Variants in FIG4 observed in about 807,000 individuals in gnomAD.
FIG4 encodes the protein polyphosphoinositide phosphatase.
Under a neutral mutation model 118.6 loss-of-function variants are expected in FIG4, and 112 were observed. That is an observed-to-expected ratio of 0.94 (90% CI 0.81 to 1.11). The LOEUF is 1.11. FIG4 is among the 50% of genes least tolerant of loss of function. The pLI, the probability that FIG4 is intolerant of heterozygous loss-of-function variation, is 0.00. For missense variants in FIG4, 969 were observed against 1,111.7 expected, an observed-to-expected ratio of 0.87 and a Z score of 1.83; for synonymous variants, 369 against 381.2, an observed-to-expected ratio of 0.97 and a Z score of 0.37.
At chr6:109,757,644 A>T (rs1776960156) in intron 10 of FIG4, among the ~76,000 whole-genome samples, 1 of 152,210 alleles carries the variant, frequency 6.6e-6, no homozygotes, top group South Asian at 2.1e-4. Flanking sequence ...AATAAGGGGT[A>T]TTCAGATAGG....
chr6:109,692,943 C>CA (rs1331436114), intron 1 of FIG4, among the ~76,000 whole-genome samples: 1 of 152,186 alleles, frequency 6.6e-6, no homozygotes, highest in Non-Finnish European at 1.5e-5. Flanking sequence ...TTCAGCCTCC[C>CA]AAAGTGTTGG....
chr6:109,764,824 T>C (rs977867579), intron 13 of FIG4, among the ~76,000 whole-genome samples, 189 bp from the exon 14 acceptor site: 1 of 152,250 alleles, frequency 6.6e-6, no homozygotes, highest in Admixed American at 6.5e-5. Flanking sequence ...ACTTTAAACA[T>C]GTTCTTTATT....
At position 109,723,769 on chromosome 6, in the gene FIG4, G is replaced by A. The variant is rs1005937443; in HGVS notation, c.290-3340G>A. On this transcript the variant is annotated intron_variant, in intron 3 of 22. Transcript: ENST00000230124. ...AAATGTCCTTTTCTTCCCAGTAAAG[G>A]TTTTGGATGGAAAGCCCAGAGCTGT... 6.6e-5 allele frequency among the ~76,000 whole-genome samples: 10 copies of A among 152,282 alleles called. No individual in the cohort carries two copies. The South Asian group carries it at 1.9e-3, about 28-fold the overall frequency.
chr6:109,709,156 G>A (rs1171368024), intron 1 of FIG4, among the ~76,000 whole-genome samples: 3 of 152,098 alleles, frequency 2.0e-5, no homozygotes, highest in Non-Finnish European at 4.4e-5. Context: ...TAAGGAAGGG[G>A]TCCAGTTTCA....
chr6:109,715,925 T>C (rs1775415392), intron 2 of FIG4, among the ~76,000 whole-genome samples: 1 of 152,226 alleles, frequency 6.6e-6, no homozygotes, highest in African/African-American at 2.4e-5. Flanking sequence ...TTCTGTGTTG[T>C]AATAATTTTA....
At chr6:109,723,105 C>T (rs539560875) in intron 3 of FIG4, among the ~76,000 whole-genome samples, 14 of 152,170 alleles carry the variant, frequency 9.2e-5, no homozygotes, top group Non-Finnish European at 1.5e-4. Flanking sequence ...AATGTTTCTC[C>T]ACTTTCTGTA....
intron 16 of FIG4, among the ~76,000 whole-genome samples, chr6:109,780,670 G>C (rs187203795): frequency 6.6e-6 from 1 of 152,036 alleles, no homozygotes; most frequent in Non-Finnish European, 1.5e-5. Flanking sequence ...GAAATTTGTG[G>C]CATGCTGTAT....
rs1774457722 is a variant in FIG4, at chr6:109,691,970, A to T, written c.66+469A>T. Among the ~76,000 whole-genome samples the T allele has an allele frequency of 3.3e-5, 5 of 152,222 alleles. No individual in the cohort carries two copies. In the South Asian group the frequency reaches 1.0e-3, roughly 32 times the overall value. ...ATGTGAATTACACTTCTATTGGTGAACTTTTTGGTTCTCTTTTTTTCTTAT... is the reference window on the plus strand; with the variant it reads ...ATGTGAATTACACTTCTATTGGTGATCTTTTTGGTTCTCTTTTTTTCTTAT... On this transcript the variant is annotated intron_variant, in intron 1 of 22. Coordinates refer to ENST00000230124, the MANE Select transcript of FIG4 (RefSeq NM_014845.6).
intron 7 of FIG4, among the ~76,000 whole-genome samples, chr6:109,740,648 C>G (rs1352511448): frequency 6.6e-6 from 1 of 152,104 alleles, no homozygotes; most frequent in Non-Finnish European, 1.5e-5. Flanking sequence ...GAGTCTTATA[C>G]TCAGTTTGTC....
rs1321151474 is a variant in FIG4, at chr6:109,750,117, G to A, written c.1137+6345G>A. The stretch of plus-strand genomic sequence containing the variant: ...CACCATATGAAGAAGTTAATAAAGC[G>A]AAATGCTTTTCATGATTTCATTTCT... On this transcript the variant is annotated intron_variant, in intron 10 of 22. Transcript: ENST00000230124. Among the ~76,000 whole-genome samples the A allele has an allele frequency of 3.3e-5, 5 of 152,268 alleles. No individual in the cohort carries two copies. The East Asian group carries it at 5.8e-4, about 18-fold the overall frequency.
At chr6:109,745,778 AC>A (rs1776476874) in intron 10 of FIG4, among the ~76,000 whole-genome samples, 1 of 152,148 alleles carries the variant, frequency 6.6e-6, no homozygotes, top group African/African-American at 2.4e-5. Flanking sequence ...TTTGGGTCTT[AC>A]GTTTAAGTCT....
At chr6:109,797,645 T>C (rs1276591695) in intron 22 of FIG4, among the ~76,000 whole-genome samples, 3 of 152,058 alleles carry the variant, frequency 2.0e-5, no homozygotes, top group African/African-American at 7.2e-5. Context: ...CCTGTAATCC[T>C]AGCACTTTGA....
chr6:109,797,116 TG>T (rs980071064), intron 22 of FIG4, among the ~76,000 whole-genome samples: 29 of 152,158 alleles, frequency 1.9e-4, no homozygotes, highest in African/African-American at 7.0e-4. Context: ...TGCCCTCCAC[TG>T]GGTAGAAGTG....
At chr6:109,768,868 T>A (rs1282860515) in intron 15 of FIG4, among the ~76,000 whole-genome samples, 1 of 152,006 alleles carries the variant, frequency 6.6e-6, no homozygotes, top group Non-Finnish European at 1.5e-5. Flanking sequence ...ACAATAGAAA[T>A]GTATTTTCTT....
intron 18 of FIG4, among the ~76,000 whole-genome samples, chr6:109,789,145 T>G (rs548680384): frequency 6.6e-6 from 1 of 152,350 alleles, no homozygotes; most frequent in Admixed American, 6.5e-5. Context: ...TAGTGTTTTG[T>G]CATTGGCCTT....
At chr6:109,795,095 GT>G (rs571649446) in intron 21 of FIG4, among the ~76,000 whole-genome samples, 21 of 57,246 alleles carry the variant, frequency 3.7e-4, no homozygotes, top group African/African-American at 6.9e-4. Context: ...ACACTTGCCA[GT>G]TTTTTTTTTT....
chr6:109,786,641 G>A (rs1227816122), intron 18 of FIG4, among the ~76,000 whole-genome samples, 192 bp downstream of exon 18: 2 of 152,152 alleles, frequency 1.3e-5, no homozygotes, highest in Non-Finnish European at 2.9e-5. Flanking sequence ...TCTATTGACA[G>A]TTGGAGTTGA....
intron 22 of FIG4, among the ~76,000 whole-genome samples, chr6:109,803,677 G>A (rs991252805): frequency 1.3e-5 from 2 of 151,456 alleles, no homozygotes; most frequent in African/African-American, 4.9e-5. Context: ...GTGCAGGTTT[G>A]TTACATATGT....
At position 109,795,094 on chromosome 6, in the gene FIG4, AGTTTTTTTTTTTTT is replaced by A. The variant is rs1300178607; in HGVS notation, c.2460-1670_2460-1657del. ...TTCCTCAAAGCTTCATACACTTGCC[AGTTTTTTTTTTTTT>A]TTTTTTTTTTTTTTTTTTTTTTTTT... On this transcript the variant is annotated intron_variant, in intron 21 of 22. Coordinates refer to ENST00000230124, the MANE Select transcript of FIG4 (RefSeq NM_014845.6). Among the ~76,000 whole-genome samples, 33 of 77,182 alleles carry A rather than the reference AGTTTTTTTTTTTTT, an allele frequency of 4.3e-4. 1 individual carries two copies. The highest frequency in any genetic ancestry group is 3.2e-3 in the East Asian group (9 of 2,840). The allele number at this position is 77,182 out of a possible 152,430, so 50.6% of individuals were successfully genotyped here. A position where few individuals can be genotyped will look rare whatever the true frequency, so the allele number is the denominator to read the frequency against.
Sources: gnomAD v4.1 joint callset for allele counts (sites outside exome capture counted in the v4.1 genomes callset) on GRCh38, gnomAD v4.1.1 for gene constraint, MANE v1.5 for transcripts, NCBI Gene and HGNC (gene_info 2026-07-23, HGNC 2026-07-21) for gene names.